The following RGS6 variants were observed in gnomAD, a reference collection of about 807,000 sequenced individuals.
RGS6 encodes regulator of G-protein signaling 6.
Under a neutral mutation model 78.5 loss-of-function variants are expected in RGS6, and 30 were observed. The ratio of observed to expected loss-of-function variants is 0.38; its 90% CI spans 0.29 to 0.52. RGS6 has a LOEUF of 0.52. Among genes scored for constraint, RGS6 ranks in the 20% least tolerant of loss-of-function variants. The pLI is 0.85. For synonymous variants in RGS6, 206 were observed against 206.0 expected (o/e 1.00, Z 0.00); for missense variants, 495 against 609.7 (o/e 0.81, Z 1.98).
intron 2 of RGS6, among the ~76,000 whole-genome samples, chr14:72,123,311 A>G (rs1200198604): frequency 6.6e-6 from 1 of 152,220 alleles, no homozygotes; most frequent in Admixed American, 6.5e-5. Flanking sequence ...CCAGTATCCA[A>G]CAAGTTAGGA....
At chr14:72,349,918 T>C (rs2681749) in intron 2 of RGS6, among the ~76,000 whole-genome samples, 77,966 of 152,040 alleles carry the variant, frequency 0.51, 21,855 homozygotes, top group African/African-American at 0.75. Context: ...TCAATGTAAC[T>C]GATACTTCTG....
rs149369934 is a variant in RGS6 at position 72,429,726 on chromosome 14, G to A, written c.185-24802G>A. On this transcript the variant is annotated intron_variant, in intron 3 of 17. Coordinates refer to ENST00000553525, the MANE Select transcript of RGS6 (RefSeq NM_001204424.2). ...GGCTACATAAATAGGAAGGCTTGCA[G>A]CAGTGTTAAAAGACAGCTGATATGA... 3.1e-4 allele frequency among the ~76,000 whole-genome samples: 47 copies of A among 152,340 alleles called. No homozygotes were observed. In the East Asian group the frequency reaches 6.5e-3, roughly 21 times the overall value.
the RGS6 span, among the ~76,000 whole-genome samples, chr14:71,886,393 C>G: frequency 6.6e-6 from 1 of 152,278 alleles, no homozygotes; most frequent in African/African-American, 2.4e-5. Flanking sequence ...GCACAGTAGG[C>G]AATCAATTAA....
chr14:72,440,419 T>C (rs1157160211), intron 3 of RGS6, among the ~76,000 whole-genome samples: 1 of 150,582 alleles, frequency 6.6e-6, no homozygotes, highest in Non-Finnish European at 1.5e-5. Flanking sequence ...CACTTCTTTT[T>C]TTTTTTTTTT....
At chr14:72,273,318 C>G (rs2060219690) in intron 2 of RGS6, among the ~76,000 whole-genome samples, 2 of 152,038 alleles carry the variant, frequency 1.3e-5, no homozygotes, top group Non-Finnish European at 2.9e-5. Flanking sequence ...CCTCCCTCAC[C>G]ACCTTTTTTT....
intron 2 of RGS6, among the ~76,000 whole-genome samples, chr14:72,030,116 A>G (rs734426): frequency 0.044 from 6,657 of 152,294 alleles, 179 homozygotes; most frequent in African/African-American, 0.078. Context: ...TTAATGACAC[A>G]TATTATAATT....
chr14:72,437,524 T>C (rs2094985166), intron 3 of RGS6, among the ~76,000 whole-genome samples: 1 of 152,124 alleles, frequency 6.6e-6, no homozygotes, highest in Non-Finnish European at 1.5e-5. Flanking sequence ...TGAAATCTAA[T>C]CCATTTTGCA....
chr14:72,538,902 T>C (rs1471325118), intron 16 of RGS6, among the ~76,000 whole-genome samples: 1 of 152,226 alleles, frequency 6.6e-6, no homozygotes, highest in Non-Finnish European at 1.5e-5. Flanking sequence ...CTTTGGCCTG[T>C]CCCCTCTGCT....
At chr14:72,053,387 G>A (rs2093447678) in intron 2 of RGS6, among the ~76,000 whole-genome samples, 1 of 151,746 alleles carries the variant, frequency 6.6e-6, no homozygotes, top group South Asian at 2.1e-4. Context: ...CGAAGTGCTG[G>A]GATTACAGGC....
intron 2 of RGS6, among the ~76,000 whole-genome samples, chr14:72,283,963 T>C (rs900261060): frequency 5.9e-5 from 9 of 152,192 alleles, no homozygotes; most frequent in African/African-American, 2.2e-4. Flanking sequence ...TGTTAGGAAC[T>C]GGAGTAAAAG....
chr14:71,898,255 C>T, the RGS6 span, among the ~76,000 whole-genome samples: 13 of 151,212 alleles, frequency 8.6e-5, no homozygotes, highest in South Asian at 1.3e-3. Flanking sequence ...AATTTAATGC[C>T]GTTTGACTAA....
At chr14:72,153,084 C>G (rs1357972753) in intron 2 of RGS6, among the ~76,000 whole-genome samples, 1 of 152,026 alleles carries the variant, frequency 6.6e-6, no homozygotes, top group African/African-American at 2.4e-5. Context: ...CTCTGGTGAC[C>G]CCTTTATATT....
chr14:72,284,611 T>C (rs925226933), intron 2 of RGS6, among the ~76,000 whole-genome samples: 20 of 152,312 alleles, frequency 1.3e-4, no homozygotes, highest in African/African-American at 4.6e-4. Flanking sequence ...GGGGCCCTCA[T>C]GGAGAACCCT....
At chr14:71,943,127 G>A (rs981720614) in intron 1 of RGS6, among the ~76,000 whole-genome samples, 3 of 152,158 alleles carry the variant, frequency 2.0e-5, no homozygotes, top group African/African-American at 7.2e-5. Flanking sequence ...AATACCCCAG[G>A]CACCTGTGTT....
the RGS6 span, among the ~76,000 whole-genome samples, chr14:72,582,821 G>C: frequency 1.3e-5 from 2 of 152,094 alleles, no homozygotes; most frequent in Non-Finnish European, 2.9e-5. Flanking sequence ...ATGGTGTGAT[G>C]ATTGATTTTA....
intron 6 of RGS6, among the ~76,000 whole-genome samples, chr14:72,460,508 C>T (rs1379830749): frequency 6.6e-6 from 1 of 152,178 alleles, no homozygotes; most frequent in Non-Finnish European, 1.5e-5. Context: ...AGTTCTGGTT[C>T]TTTATTGAAG....
chr14:72,225,639 C>A (rs184422977), intron 2 of RGS6, among the ~76,000 whole-genome samples: 1 of 152,188 alleles, frequency 6.6e-6, no homozygotes, highest in South Asian at 2.1e-4. Context: ...AAAAACCATT[C>A]GCTTTAGGAA....
chr14:72,487,874 T>G (rs1307364139), intron 12 of RGS6, among the ~76,000 whole-genome samples: 1 of 152,028 alleles, frequency 6.6e-6, no homozygotes, highest in Non-Finnish European at 1.5e-5. Context: ...AAAACCCCAG[T>G]CTCTCCCCTT....
intron 2 of RGS6, among the ~76,000 whole-genome samples, chr14:72,336,378 C>A (rs1176282303): frequency 6.6e-6 from 1 of 152,160 alleles, no homozygotes; most frequent in East Asian, 1.9e-4. Context: ...AGAGTATTGG[C>A]TTTCAGAAAG....
Sources: gnomAD v4.1 joint callset for allele counts (sites outside exome capture counted in the v4.1 genomes callset) on GRCh38, gnomAD v4.1.1 for gene constraint, MANE v1.5 for transcripts, NCBI Gene and HGNC (gene_info 2026-07-23, HGNC 2026-07-21) for gene names.